The following MSRB1 variants were observed in gnomAD, a reference collection of about 807,000 sequenced individuals.
The protein encoded by MSRB1 is methionine-R-sulfoxide reductase B1.
Under a neutral mutation model 15.2 loss-of-function variants are expected in MSRB1, and 13 were observed. The observed-to-expected ratio is 0.86, with a 90% CI of 0.56 to 1.36. The LOEUF is 1.36. Among genes scored for constraint, MSRB1 ranks in the 40% most tolerant of loss-of-function variants. The pLI is 0.00. For missense variants in MSRB1, 174 were observed against 155.9 expected, an observed-to-expected ratio of 1.12 and a Z score of -0.62; for synonymous variants, 68 against 64.5, an observed-to-expected ratio of 1.05 and a Z score of -0.26.
At chr16:1,940,366 C>A (rs2083068418) in intron 3 of MSRB1, among the ~76,000 whole-genome samples, 1 of 152,208 alleles carries the variant, frequency 6.6e-6, no homozygotes, top group Non-Finnish European at 1.5e-5. Context: ...AGCCCTGCTA[C>A]CACCGCCACT....
intron 1 of MSRB1, 67 bp downstream of exon 1, chr16:1,943,035 G>T (rs1439647950): frequency 1.3e-6 from 2 of 1,540,364 alleles, no homozygotes; most frequent in Non-Finnish European, 1.8e-6. Context: ...CCCGGACGAC[G>T]GCGGCGCCCC....
Position 1,943,103 on chromosome 16 carries a change from A to C in MSRB1, c.54T>G (p.Pro18=). ...GGEVFQNHFE[P]GVYVCAKCGY... ...CCAGCGAGAGGCCGCAGGACCAACC[A>C]GGTTCAAAGTGATTCTGGAAAACCT... Residue 18 remains proline (P), a splice_region_variant and synonymous_variant, in exon 1 of 4, where the codon CCT becomes CCG. Transcript: ENST00000361871. The C allele has an allele frequency of 3.2e-6, 5 of 1,558,254 alleles. No individual in the cohort carries two copies. Among genetic ancestry groups the C allele is most frequent in the Non-Finnish European group, 4.3e-6 (5 of 1,151,256 alleles).
intron 2 of MSRB1, 172 bp downstream of exon 2, chr16:1,941,085 G>A (rs764259141): frequency 3.2e-6 from 5 of 1,551,202 alleles, no homozygotes; most frequent in South Asian, 2.4e-5. Context: ...TGCACCAGAA[G>A]GCCAGGCTCT....
At chr16:1,942,877 G>A (rs958038012) in intron 1 of MSRB1, among the ~76,000 whole-genome samples, 3 of 151,346 alleles carry the variant, frequency 2.0e-5, no homozygotes, top group Non-Finnish European at 4.4e-5. Flanking sequence ...GCCCCCTCCA[G>A]GACGGTGAGC....
intron 2 of MSRB1, 142 bp downstream of exon 2, chr16:1,941,115 A>C (rs757428873): frequency 6.4e-7 from 1 of 1,551,580 alleles, no homozygotes; most frequent in African/African-American, 1.4e-5. Flanking sequence ...CTGGGGTGGC[A>C]GCTCCCTGGC....
Position 1,939,062 on chromosome 16 carries a change from A to G in MSRB1, c.*50T>C. On this transcript the variant is annotated 3_prime_UTR_variant, in exon 4 of 4. Transcript: ENST00000361871. ...TTCCAACTCCAAGGTGGAATGGCCA[A>G]CGTGTGGCCTCAGTGTGGTGGCCGT... The G allele has an allele frequency of 6.2e-7, 1 of 1,609,230 alleles. No individual in the cohort carries two copies. The highest frequency in any genetic ancestry group is 8.5e-7 in the Non-Finnish European group (1 of 1,176,918).
In MSRB1 at chr16:1,938,929, A is replaced by G; in HGVS notation, c.*183T>C. On this transcript the variant is annotated 3_prime_UTR_variant, in exon 4 of 4. Transcript: ENST00000361871. ...AGCAGAAGGCATGAACCATCAGCAAATGAGTCTCTTTTCCAAGAAACGAAA... is the reference window on the plus strand; with the variant it reads ...AGCAGAAGGCATGAACCATCAGCAAGTGAGTCTCTTTTCCAAGAAACGAAA... 1 of 818,506 alleles carries G rather than the reference A, an allele frequency of 1.2e-6. No homozygotes were observed. The highest frequency in any genetic ancestry group is 2.0e-6 in the Non-Finnish European group (1 of 504,690). The allele number at this position is 818,506 out of a possible 1,614,324, so 50.7% of individuals were successfully genotyped here.
rs553575569 is a variant in MSRB1 at position 1,941,385 on chromosome 16, A to G, written c.76T>C (p.Cys26Arg). The change falls in exon 2 of 4, where the codon TGT becomes CGT. Residue 26 changes from cysteine (C) to arginine (R), a missense_variant. By Grantham distance (180) the Cys-to-Arg change is radical. Coordinates refer to ENST00000361871, the MANE Select transcript of MSRB1 (RefSeq NM_016332.4). ...CGGCTGGAGAACAGCTCATAGCCACACTTGGCACACACGTAAACGCCTGTG... is the reference window on the plus strand; with the variant it reads ...CGGCTGGAGAACAGCTCATAGCCACGCTTGGCACACACGTAAACGCCTGTG... ...FEPGVYVCAKCGYELFSSRSK... is the reference protein window; with the variant it reads ...FEPGVYVCAKRGYELFSSRSK... 92 of 1,613,206 alleles carry G rather than the reference A, an allele frequency of 5.7e-5. No homozygotes were observed. The highest frequency in any genetic ancestry group is 1.6e-4 in the Middle Eastern group (1 of 6,080).
rs1301699280 is a variant in MSRB1, at chr16:1,938,254, T to A, written c.*858A>T. 6.6e-6 allele frequency: 1 copy of A among 152,218 alleles called. No individual in the cohort carries two copies. The highest frequency in any genetic ancestry group is 2.4e-5 in the African/African-American group (1 of 41,452). 9.4% of individuals were successfully genotyped at this position (152,218 alleles called of 1,614,324 possible). ...TACATCTGAATGTTTCATTTGTCTA[T>A]GGATTTCCACCTGATTACTCCAGAA... On this transcript the variant is annotated 3_prime_UTR_variant, in exon 4 of 4. Transcript: ENST00000361871.
chr16:1,941,265 C>A lies in MSRB1; in HGVS notation c.196G>T (p.Ala66Ser), dbSNP rs746549502. The change falls in exon 2 of 4, where the codon GCC (alanine) becomes TCC (serine). Residue 66 changes from alanine (A) to serine (S), a missense_variant. Physicochemically the swap from Ala to Ser is moderately conservative, Grantham distance 99. Transcript: ENST00000361871. ...CCCCTGTGGCCTCTCACCTTCAAGG[C>A]TTCAGATCTATTGTGCTCCGGACGC... is the stretch of plus-strand genomic sequence containing the variant. Reference protein sequence around the residue: ...AKRPEHNRSEALKVSCGKCGN... With the variant: ...AKRPEHNRSESLKVSCGKCGN... The A allele has an allele frequency of 3.7e-6, 6 of 1,613,512 alleles. No homozygotes were observed. Among genetic ancestry groups the A allele is most frequent in the Non-Finnish European group, 4.2e-6 (5 of 1,179,982 alleles).
Position 1,943,171 on chromosome 16 carries a change from C to G in MSRB1, c.-15G>C. 6.4e-7 allele frequency: 1 copy of G among 1,555,794 alleles called. No homozygotes were observed. Among genetic ancestry groups the G allele is most frequent in the South Asian group, 1.2e-5 (1 of 84,500 alleles). On this transcript the variant is annotated 5_prime_UTR_variant, in exon 1 of 4. Transcript: ENST00000361871. The stretch of plus-strand genomic sequence containing the variant: ...CAGAACGACATGGCGCCACCGGAAC[C>G]GCAGCGCGCTTGCCGCTGCCAACTG...
At chr16:1,942,440 G>C (rs1412637339) in intron 1 of MSRB1, among the ~76,000 whole-genome samples, 1 of 152,260 alleles carries the variant, frequency 6.6e-6, no homozygotes. Flanking sequence ...GGGCCAGTGT[G>C]GAGGGCTGGC....
At chr16:1,939,953 CAAAAAAA>C (rs1363713225) in intron 3 of MSRB1, among the ~76,000 whole-genome samples, 1 of 87,746 alleles carries the variant, frequency 1.1e-5, no homozygotes, top group African/African-American at 4.4e-5. Context: ...ACTCTGTCAC[CAAAAAAA>C]AAAAAAAAAT....
chr16:1,942,997 C>T, intron 1 of MSRB1, 105 bp downstream of exon 1: 1 of 1,460,808 alleles, frequency 6.8e-7, no homozygotes, highest in Middle Eastern at 1.8e-4. Flanking sequence ...ACATTCGCCC[C>T]CATTCCCGGC....
chr16:1,939,389 G>T (rs762178501), intron 3 of MSRB1, among the ~76,000 whole-genome samples: 3 of 152,166 alleles, frequency 2.0e-5, no homozygotes, highest in Non-Finnish European at 4.4e-5. Context: ...GACATCCACA[G>T]GAGAACCCAG....
At position 1,940,857 on chromosome 16, in the gene MSRB1, G is replaced by C. The variant is rs371734249; in HGVS notation, c.240C>G (p.His80Gln). Residue 80 changes from histidine (H) to glutamine (Q), a missense_variant, in exon 3 of 4, where the codon CAC becomes CAG. By Grantham distance (24) the His-to-Gln change is conservative. Coordinates refer to ENST00000361871, the MANE Select transcript of MSRB1 (RefSeq NM_016332.4). ...GCTTGGGGCCGTCGTTCAGGAACTC[G>C]TGGCCCAACCCATTGCCACACTTGC... ...SCGKCGNGLG[H>Q]EFLNDGPKPG... 1.2e-6 allele frequency: 2 copies of C among 1,614,036 alleles called. No homozygotes were observed. The highest frequency in any genetic ancestry group is 1.7e-6 in the Non-Finnish European group (2 of 1,180,054).
chr16:1,941,413 G>A lies in MSRB1; in HGVS notation c.56-8C>T, dbSNP rs1432049585. The A allele has an allele frequency of 1.2e-6, 2 of 1,606,306 alleles. No homozygotes were observed. The highest frequency in any genetic ancestry group is 1.7e-6 in the Non-Finnish European group (2 of 1,175,972). ...TGGCACACACGTAAACGCCTGTGGT[G>A]GAAGGAGAGGCAAATGTGGAGTCAT... On this transcript the variant is annotated splice_region_variant and splice_polypyrimidine_tract_variant and intron_variant, in intron 1 of 3. Coordinates refer to ENST00000361871, the MANE Select transcript of MSRB1 (RefSeq NM_016332.4).
intron 2 of MSRB1, 106 bp from the exon 3 acceptor site, chr16:1,940,998 C>T (rs759557972): frequency 4.3e-5 from 67 of 1,565,826 alleles, no homozygotes; most frequent in Non-Finnish European, 5.5e-5. Context: ...ACGCCTATTT[C>T]CCAAGCTGAC....
chr16:1,941,455 G>T, intron 1 of MSRB1, 50 bp from the exon 2 acceptor site: 1 of 1,538,988 alleles, frequency 6.5e-7, no homozygotes, highest in East Asian at 2.4e-5. Flanking sequence ...CCGCCTTTCC[G>T]GGGTCAAGCT....
Sources: gnomAD v4.1 joint callset for allele counts (sites outside exome capture counted in the v4.1 genomes callset) on GRCh38, gnomAD v4.1.1 for gene constraint, MANE v1.5 for transcripts, NCBI Gene and HGNC (gene_info 2026-07-23, HGNC 2026-07-21) for gene names.